The following ERBB4 variants were observed in gnomAD, a reference collection of about 807,000 sequenced individuals.
ERBB4 encodes the protein erb-b2 receptor tyrosine kinase 4, also known as receptor tyrosine-protein kinase erbB-4.
Under a neutral mutation model 158.0 loss-of-function variants are expected in ERBB4, and 42 were observed. The ratio of observed to expected loss-of-function variants is 0.27; its 90% confidence interval spans 0.21 to 0.34. The LOEUF is 0.34. ERBB4 is among the 10% of genes least tolerant of loss of function. The pLI is 1.00. For synonymous variants in ERBB4, 583 were observed against 558.7 expected (o/e 1.04, Z -0.61); for missense variants, 1,333 against 1,624.1 (o/e 0.82, Z 3.08).
chr2:211,690,740 A>G (rs984081963), intron 12 of ERBB4, among the ~76,000 whole-genome samples: 12 of 152,190 alleles, frequency 7.9e-5, no homozygotes, highest in African/African-American at 2.4e-4. Context: ...CAAGAATTCA[A>G]CAGCCCTCTG....
chr2:211,518,089 A>G (rs2066085494), intron 20 of ERBB4, among the ~76,000 whole-genome samples: 2 of 152,108 alleles, frequency 1.3e-5, no homozygotes, highest in South Asian at 2.1e-4. Flanking sequence ...TATTTATGTA[A>G]TATGACTTTT....
chr2:211,954,488 G>T lies in ERBB4; in HGVS notation c.235-6872C>A, dbSNP rs562268991. ...ATCCAAATTCTTAACTTCTACTCCAGTGTCTTAAGAACTCATACACAATTA... is the reference window on the plus strand; with the variant it reads ...ATCCAAATTCTTAACTTCTACTCCATTGTCTTAAGAACTCATACACAATTA... On this transcript the variant is annotated intron_variant, in intron 2 of 27. Transcript: ENST00000342788. Among the ~76,000 whole-genome samples, 6 of 152,034 alleles carry T rather than the reference G, an allele frequency of 3.9e-5. No individual in the cohort carries two copies. In the East Asian group the frequency reaches 1.2e-3, roughly 29 times the overall value.
At chr2:212,033,367 T>C (rs1475519958) in intron 2 of ERBB4, among the ~76,000 whole-genome samples, 1 of 151,938 alleles carries the variant, frequency 6.6e-6, no homozygotes, top group Non-Finnish European at 1.5e-5. Flanking sequence ...TTAAATTTTG[T>C]AATGCAGCTC....
At chr2:211,615,726 G>C (rs1025016883) in intron 19 of ERBB4, among the ~76,000 whole-genome samples, 14 of 152,078 alleles carry the variant, frequency 9.2e-5, no homozygotes, top group African/African-American at 3.4e-4. Context: ...AATATCAATA[G>C]AAGTTTCATT....
At chr2:212,382,330 A>G (rs2090531056) in intron 1 of ERBB4, among the ~76,000 whole-genome samples, 1 of 150,628 alleles carries the variant, frequency 6.6e-6, no homozygotes. Flanking sequence ...TATACACTAT[A>G]TAAAACACAT....
In ERBB4 at chr2:212,415,032, T is replaced by A. The variant is rs189674726; in HGVS notation, c.82+123417A>T. 5.7e-4 allele frequency among the ~76,000 whole-genome samples: 87 copies of A among 152,212 alleles called. No individual in the cohort carries two copies. In the East Asian group the frequency reaches 0.016, roughly 27 times the overall value. On this transcript the variant is annotated intron_variant, in intron 1 of 27. Transcript: ENST00000342788. The stretch of plus-strand genomic sequence containing the variant: ...TGCTTTTTTGTTTGTAACAAATGAG[T>A]CCTTGAATCTATTAAACTGAAACTG...
chr2:211,703,894 G>A (rs762698903), intron 11 of ERBB4, among the ~76,000 whole-genome samples: 1 of 152,174 alleles, frequency 6.6e-6, no homozygotes, highest in Non-Finnish European at 1.5e-5. Flanking sequence ...TATTTTGAGT[G>A]ACAGACAATT....
At chr2:211,549,369 G>A (rs1354463756) in intron 20 of ERBB4, among the ~76,000 whole-genome samples, 1 of 152,018 alleles carries the variant, frequency 6.6e-6, no homozygotes, top group African/African-American at 2.4e-5. Context: ...AGAATCACTG[G>A]TGGCAGTTCT....
intron 1 of ERBB4, among the ~76,000 whole-genome samples, chr2:212,296,031 G>T (rs1329198374): frequency 6.6e-6 from 1 of 151,942 alleles, no homozygotes; most frequent in Non-Finnish European, 1.5e-5. Flanking sequence ...TCCCAGGATT[G>T]ATCAAGCTCT....
chr2:211,781,883 T>C (rs1399687517), intron 4 of ERBB4, among the ~76,000 whole-genome samples: 1 of 152,120 alleles, frequency 6.6e-6, no homozygotes, highest in Non-Finnish European at 1.5e-5. Flanking sequence ...TTCAAAGCTG[T>C]CCTCCCACGC....
At chr2:211,879,803 T>C (rs114583737) in intron 3 of ERBB4, among the ~76,000 whole-genome samples, 1,842 of 152,026 alleles carry the variant, frequency 0.012, 39 homozygotes, top group African/African-American at 0.041. Flanking sequence ...ATATCAATCA[T>C]ACAAAAGGGG....
intron 1 of ERBB4, among the ~76,000 whole-genome samples, chr2:212,178,842 AT>A (rs1483314326): frequency 1.3e-5 from 2 of 151,626 alleles, no homozygotes; most frequent in Non-Finnish European, 1.5e-5. Context: ...TACATAAAAA[AT>A]CCTCTTGCTT....
intron 1 of ERBB4, among the ~76,000 whole-genome samples, chr2:212,379,506 C>T (rs570330136): frequency 1.3e-5 from 2 of 151,744 alleles, no homozygotes; most frequent in South Asian, 2.1e-4. Flanking sequence ...ACTACCTTTA[C>T]TAATGTCTAA....
At chr2:212,518,229 G>C (rs552757429) in intron 1 of ERBB4, among the ~76,000 whole-genome samples, 2 of 152,100 alleles carry the variant, frequency 1.3e-5, no homozygotes, top group South Asian at 2.1e-4. Context: ...TCAGCTTGCA[G>C]TTTTCAAGGG....
chr2:212,373,822 TCC>T (rs2090180623), intron 1 of ERBB4, among the ~76,000 whole-genome samples: 1 of 95,492 alleles, frequency 1.0e-5, no homozygotes, highest in African/African-American at 5.4e-5. Flanking sequence ...CATGTATATA[TCC>T]ATATATATAT....
chr2:212,334,836 T>C (rs1427634786), intron 1 of ERBB4, among the ~76,000 whole-genome samples: 1 of 152,046 alleles, frequency 6.6e-6, no homozygotes, highest in African/African-American at 2.4e-5. Context: ...GACAACATTT[T>C]CTACTGGTTG....
intron 1 of ERBB4, among the ~76,000 whole-genome samples, chr2:212,317,155 T>C (rs1434036697): frequency 6.6e-6 from 1 of 151,516 alleles, no homozygotes; most frequent in African/African-American, 2.4e-5. Flanking sequence ...TTACTTTTGT[T>C]TCCAGTAAGT....
At chr2:212,376,846 A>G (rs75931291) in intron 1 of ERBB4, among the ~76,000 whole-genome samples, 3 of 152,088 alleles carry the variant, frequency 2.0e-5, no homozygotes, top group African/African-American at 2.4e-5. Context: ...TCATTTTTCC[A>G]TGAAAGTTTT....
chr2:212,223,797 T>C (rs1226047590), intron 1 of ERBB4, among the ~76,000 whole-genome samples: 1 of 151,788 alleles, frequency 6.6e-6, no homozygotes, highest in Admixed American at 6.6e-5. Flanking sequence ...TATCACCCAA[T>C]GTAACACTAT....
Sources: allele counts gnomAD v4.1 joint callset (sites outside exome capture counted in the v4.1 genomes callset), GRCh38; gene constraint gnomAD v4.1.1; transcripts MANE v1.5; gene names NCBI Gene and HGNC (gene_info 2026-07-23, HGNC 2026-07-21).